The following NUP43 variants were observed in gnomAD, a reference collection of about 807,000 sequenced individuals.
The protein encoded by NUP43 is nucleoporin 43.
NUP43 carries 32 observed loss-of-function variants against 47.3 expected under a neutral mutation model. The ratio of observed to expected loss-of-function variants is 0.68; its 90% CI spans 0.51 to 0.91. The LOEUF (loss-of-function observed/expected upper bound fraction) is 0.91. NUP43 is among the 40% of genes least tolerant of loss of function. NUP43 has a pLI of 0.00. For missense variants in NUP43, 444 were observed against 453.9 expected (o/e 0.98, Z 0.20); for synonymous variants, 147 against 158.4 (o/e 0.93, Z 0.54).
intron 4 of NUP43, among the ~76,000 whole-genome samples, chr6:149,739,473 G>A (rs549910018): frequency 3.9e-5 from 6 of 151,902 alleles, no homozygotes; most frequent in African/African-American, 1.4e-4. Context: ...TTTTAGTAGA[G>A]ACGGAGTTTC....
At chr6:149,747,479 G>A (rs1273906076), upstream of NUP43, among the ~76,000 whole-genome samples, 1 of 150,510 alleles carries the variant, frequency 6.6e-6, no homozygotes, top group East Asian at 1.9e-4. Flanking sequence ...GGAGAGACGG[G>A]ATTTCACCAT....
intron 4 of NUP43, 87 bp downstream of exon 4, chr6:149,742,303 G>A (rs1785704930): frequency 9.5e-6 from 12 of 1,259,726 alleles, no homozygotes; most frequent in East Asian, 2.3e-5. Context: ...TGCAATTGCC[G>A]GGGTGAGCCA....
At chr6:149,730,785 A>G (rs1248697600) in intron 7 of NUP43, among the ~76,000 whole-genome samples, 1 of 151,764 alleles carries the variant, frequency 6.6e-6, no homozygotes, top group Non-Finnish European at 1.5e-5. Context: ...TTAAAAAAAA[A>G]AAATTAGCTG....
At chr6:149,743,600 A>G (rs767478660) in intron 3 of NUP43, 38 bp downstream of exon 3, 12 of 1,314,700 alleles carry the variant, frequency 9.1e-6, no homozygotes, top group Non-Finnish European at 1.1e-5. Flanking sequence ...TCCATTTCAA[A>G]AAAAAAAAAA....
In NUP43 at chr6:149,743,451, C is replaced by T. The variant is rs571026562; in HGVS notation, c.321+187G>A. 8.2e-4 allele frequency among the ~76,000 whole-genome samples: 123 copies of T among 150,832 alleles called. 1 individual carries two copies. Among genetic ancestry groups the T allele is most frequent in the Admixed American group, 1.5e-3 (23 of 15,106 alleles). On this transcript the variant is annotated intron_variant, in intron 3 of 7. Coordinates refer to ENST00000340413, the MANE Select transcript of NUP43 (RefSeq NM_198887.3). The stretch of plus-strand genomic sequence containing the variant: ...TCTCTACTAAAAATATAAAATTAGC[C>T]GGGCGTGGTGGCACGTGCCTGTAAT...
rs1784769254 is a variant in NUP43, at chr6:149,725,710, T to G, written c.*1259A>C. On this transcript the variant is annotated 3_prime_UTR_variant, in exon 8 of 8. Transcript: ENST00000340413. ...TTGTCTAATAGCAGTGATTTGTCAT[T>G]AAGGTCTCAGGTCAATAATACATTT... is the stretch of plus-strand genomic sequence containing the variant. 6.6e-6 allele frequency: 1 copy of G among 152,204 alleles called. No homozygotes were observed. The highest frequency in any genetic ancestry group is 2.4e-5 in the African/African-American group (1 of 41,460). The allele number at this position is 152,204 out of a possible 1,614,324, so 9.4% of individuals were successfully genotyped here.
At chr6:149,736,344 A>T (rs1024894227) in intron 6 of NUP43, 127 bp downstream of exon 6, 22 of 571,456 alleles carry the variant, frequency 3.8e-5, no homozygotes, top group Admixed American at 3.6e-4. Context: ...TAACTATTTA[A>T]ATTTACACAA....
chr6:149,730,133 C>T (rs1254254791), intron 7 of NUP43, among the ~76,000 whole-genome samples: 2 of 152,064 alleles, frequency 1.3e-5, no homozygotes, highest in Non-Finnish European at 2.9e-5. Flanking sequence ...CCTCAGCCTC[C>T]TGAATAGCTA....
rs533040363 is a variant in NUP43, at chr6:149,736,364, T to C, written c.790+107A>G. 6 of 672,244 alleles carry C rather than the reference T, an allele frequency of 8.9e-6. No individual in the cohort carries two copies. The African/African-American group carries it at 1.1e-4, about 12-fold the overall frequency. The allele number at this position is 672,244 out of a possible 1,614,324, so 41.6% of individuals were successfully genotyped here. On this transcript the variant is annotated intron_variant, in intron 6 of 7. Transcript: ENST00000340413. Reference sequence around the variant, plus strand: ...ATTTAAATTTACACAATTCAGCCATTAAAAGCTATGATGTAAAATGATCCA... The same window carrying C: ...ATTTAAATTTACACAATTCAGCCATCAAAAGCTATGATGTAAAATGATCCA...
Position 149,724,564 on chromosome 6 carries a change from A to G in NUP43, c.*2405T>C, listed in dbSNP as rs187804112. 6.6e-6 allele frequency: 1 copy of G among 152,246 alleles called. No homozygotes were observed. The highest frequency in any genetic ancestry group is 2.4e-5 in the African/African-American group (1 of 41,530). The allele number at this position is 152,246 out of a possible 1,614,324, so 9.4% of individuals were successfully genotyped here. A position where few individuals can be genotyped will look rare whatever the true frequency, so the allele number is the denominator to read the frequency against. ...GTTCAAATGTGAAACTGTATTGGAA[A>G]ATGGGAAACTTTATCTCCTTATATA... On this transcript the variant is annotated 3_prime_UTR_variant, in exon 8 of 8. Transcript: ENST00000340413.
rs1046255216 is a variant in NUP43 at position 149,725,814 on chromosome 6, A to C, written c.*1155T>G. 3 of 152,240 alleles carry C rather than the reference A, an allele frequency of 2.0e-5. No homozygotes were observed. The highest frequency in any genetic ancestry group is 7.2e-5 in the African/African-American group (3 of 41,468). The allele number at this position is 152,240 out of a possible 1,614,324, so 9.4% of individuals were successfully genotyped here. On this transcript the variant is annotated 3_prime_UTR_variant, in exon 8 of 8. Transcript: ENST00000340413. ...CATTAGTTCATTATTATCCCTGCAGACAAGGATAAAGATGGTTGGTAACAC... is the reference window on the plus strand; with the variant it reads ...CATTAGTTCATTATTATCCCTGCAGCCAAGGATAAAGATGGTTGGTAACAC...
At chr6:149,746,640 G>A, upstream of NUP43, 1 of 1,585,796 alleles carries the variant, frequency 6.3e-7, no homozygotes, top group Non-Finnish European at 8.6e-7. Context: ...GATAGCCAGT[G>A]TGGGCACAGT....
chr6:149,738,866 T>C lies in NUP43; in HGVS notation c.503-88A>G, dbSNP rs1343056551. 4 of 686,244 alleles carry C rather than the reference T, an allele frequency of 5.8e-6. No individual in the cohort carries two copies. In the Admixed American group the frequency reaches 1.2e-4, roughly 21 times the overall value. 42.5% of individuals were successfully genotyped at this position (686,244 alleles called of 1,614,324 possible). The stretch of plus-strand genomic sequence containing the variant: ...AAATCACACTCCTTTCATGGATTGA[T>C]ATATTACAATTTCCAGTAACTTATA... On this transcript the variant is annotated intron_variant, in intron 4 of 7. Transcript: ENST00000340413.
intron 7 of NUP43, chr6:149,727,806 TATAGA>T (rs1392773567): frequency 1.4e-5 from 14 of 984,548 alleles, no homozygotes; most frequent in Middle Eastern, 5.2e-4. Flanking sequence ...CTGTACTTAC[TATAGA>T]ATAAAGTGAG....
chr6:149,741,485 C>T (rs1488768911), intron 4 of NUP43, among the ~76,000 whole-genome samples: 1 of 151,564 alleles, frequency 6.6e-6, no homozygotes, highest in African/African-American at 2.4e-5. Flanking sequence ...TATATTTTTA[C>T]ATCCCTCCAT....
intron 6 of NUP43, among the ~76,000 whole-genome samples, chr6:149,734,120 G>C (rs191286415): frequency 8.1e-4 from 123 of 151,904 alleles, no homozygotes; most frequent in Non-Finnish European, 1.6e-3. Flanking sequence ...CACCGCCCCC[G>C]GCCATCATTT....
chr6:149,745,323 C>A (rs1250588513), intron 2 of NUP43, among the ~76,000 whole-genome samples: 2 of 151,486 alleles, frequency 1.3e-5, no homozygotes, highest in African/African-American at 2.4e-5. Flanking sequence ...TCGCTTGAAC[C>A]CGGGAAGCGG....
At chr6:149,728,195 T>C (rs373781572) in intron 7 of NUP43, 1 of 984,914 alleles carries the variant, frequency 1.0e-6, no homozygotes, top group Non-Finnish European at 1.2e-6. Flanking sequence ...TGACTAAATA[T>C]GTCTTAAGAG....
intron 1 of NUP43, 146 bp from the exon 2 acceptor site, chr6:149,746,208 T>C: frequency 7.7e-7 from 1 of 1,302,202 alleles, no homozygotes; most frequent in East Asian, 2.3e-5. Flanking sequence ...GGCTCAGGCA[T>C]GCCATCACCG....
Sources: gnomAD v4.1 joint callset for allele counts (sites outside exome capture counted in the v4.1 genomes callset) on GRCh38, gnomAD v4.1.1 for gene constraint, MANE v1.5 for transcripts, NCBI Gene and HGNC (gene_info 2026-07-23, HGNC 2026-07-21) for gene names.